Variants in BCR observed in about 807,000 individuals in gnomAD.
BCR encodes BCR activator of RhoGEF and GTPase, also known as breakpoint cluster region protein.
In BCR, 58 loss-of-function variants were observed where a neutral mutation model predicts 138.6. The observed-to-expected ratio is 0.42, with a 90% CI of 0.34 to 0.52. BCR has a LOEUF of 0.52. BCR is among the 20% of genes least tolerant of loss of function. The probability of loss-of-function intolerance (pLI) is 0.06; values close to 1 mark genes in which losing one functional copy is unlikely to be tolerated. For synonymous variants in BCR, 786 were observed against 730.1 expected (o/e 1.08, Z -1.23); for missense variants, 1,599 against 1,727.2 (o/e 0.93, Z 1.32).
chr22:23,205,832 A>C (rs1190275656), intron 1 of BCR, among the ~76,000 whole-genome samples: 1 of 152,220 alleles, frequency 6.6e-6, no homozygotes. Context: ...GGCCTAGGTC[A>C]CATGAAAACA....
intron 1 of BCR, among the ~76,000 whole-genome samples, chr22:23,230,333 G>A (rs950296479): frequency 2.0e-5 from 3 of 152,162 alleles, no homozygotes; most frequent in Admixed American, 1.3e-4. Context: ...ACATTTAGAC[G>A]TCCTTCTCTC....
At position 23,317,511 on chromosome 22, in the gene BCR, T is replaced by A. The variant is rs2074085769; in HGVS notation, c.*1989T>A. ...GTCTCTGCCTCCTCTGGTCTCATGA[T>A]GTGCATCTGTTACCTTGAAACTGGA... On this transcript the variant is annotated 3_prime_UTR_variant, in exon 23 of 23. Transcript: ENST00000305877. 7.7e-6 allele frequency: 1 copy of A among 129,340 alleles called. No homozygotes were observed. Among genetic ancestry groups the A allele is most frequent in the African/African-American group, 4.0e-5 (1 of 24,868 alleles). The allele number at this position is 129,340 out of a possible 1,614,324, so 8.0% of individuals were successfully genotyped here. A position where few individuals can be genotyped will look rare whatever the true frequency, so the allele number is the denominator to read the frequency against.
At chr22:23,219,396 G>C (rs570438556) in intron 1 of BCR, among the ~76,000 whole-genome samples, 4 of 152,322 alleles carry the variant, frequency 2.6e-5, no homozygotes, top group African/African-American at 9.6e-5. Flanking sequence ...TGGCTCCAGA[G>C]TCATCCCTAT....
rs1321061601 is a variant in BCR at position 23,181,889 on chromosome 22, C to T, written c.929C>T (p.Thr310Ile). ...QSTSEQEKRL[T>I]WPRRSYSPRS... ...ACCTCTGAGCAGGAGAAGCGCCTTA[C>T]CTGGCCCCGCAGGTCCTACTCCCCC... Residue 310 changes from threonine to isoleucine, a missense_variant, in exon 1 of 23, where the codon ACC becomes ATC. Physicochemically the swap from Thr to Ile is moderately conservative, Grantham distance 89. This residue lies in a region of BCR where 806 missense variants were observed against 635.0 expected (regional missense o/e 1.27). Coordinates refer to ENST00000305877, the MANE Select transcript of BCR (RefSeq NM_004327.4). The T allele has an allele frequency of 1.2e-6, 2 of 1,613,446 alleles. No homozygotes were observed. The highest frequency in any genetic ancestry group is 1.7e-5 in the Admixed American group (1 of 60,026).
At chr22:23,262,644 A>G (rs796636998) in intron 4 of BCR, 45 of 399,298 alleles carry the variant, frequency 1.1e-4, no homozygotes, top group African/African-American at 9.0e-4. Flanking sequence ...GCTGCCCCGC[A>G]GCTGCTCTTG....
At position 23,182,085 on chromosome 22, in the gene BCR, A is replaced by G; in HGVS notation, c.1125A>G (p.Gln375=). 6.2e-7 allele frequency: 1 copy of G among 1,613,318 alleles called. No homozygotes were observed. The highest frequency in any genetic ancestry group is 8.5e-7 in the Non-Finnish European group (1 of 1,180,022). The change falls in exon 1 of 23, where the codon CAA becomes CAG. Residue 375 remains glutamine, a synonymous_variant. Transcript: ENST00000305877. ...DKSRSPSQNS[Q]QSFDSSSPPT... Reference sequence around the variant, plus strand: ...GCCGCTCTCCCTCGCAGAACTCGCAACAGTCCTTCGACAGCAGCAGTCCCC... The same window carrying G: ...GCCGCTCTCCCTCGCAGAACTCGCAGCAGTCCTTCGACAGCAGCAGTCCCC...
chr22:23,305,575 C>G, intron 16 of BCR, among the ~76,000 whole-genome samples: 1 of 152,338 alleles, frequency 6.6e-6, no homozygotes, highest in Non-Finnish European at 1.5e-5. Context: ...AGCACCTGCC[C>G]CAGTTGGGCT....
At chr22:23,218,150 C>T (rs2072779390) in intron 1 of BCR, among the ~76,000 whole-genome samples, 1 of 152,196 alleles carries the variant, frequency 6.6e-6, no homozygotes, top group South Asian at 2.1e-4. Flanking sequence ...CAGTGCTGTC[C>T]CTTTGGTGTG....
rs5996503 is a variant in BCR, at chr22:23,242,174, G to A, written c.1280-11625G>A. On this transcript the variant is annotated intron_variant, in intron 1 of 22. Transcript: ENST00000305877. ...GAAGCAAGATGCTTTATCCTTTTTC[G>A]ATAAAGAACAATAAGTTTGAGAAGT... Among the ~76,000 whole-genome samples the A allele has an allele frequency of 8.0e-3, 1,220 of 152,294 alleles. 9 individuals carry two copies. Among genetic ancestry groups the A allele is most frequent in the Non-Finnish European group, 0.012 (801 of 68,012 alleles).
At chr22:23,279,673 T>A (rs1272290903) in intron 8 of BCR, among the ~76,000 whole-genome samples, 1 of 152,234 alleles carries the variant, frequency 6.6e-6, no homozygotes, top group Non-Finnish European at 1.5e-5. Flanking sequence ...GTGGGCTTCT[T>A]TGGCAACTTT....
intron 4 of BCR, chr22:23,263,788 C>T (rs1296837451): frequency 9.3e-6 from 13 of 1,405,286 alleles, no homozygotes; most frequent in Admixed American, 1.7e-5. Context: ...AGGGACAGGA[C>T]GGCCAAGGTG....
At chr22:23,264,259 C>T in intron 4 of BCR, 1 of 936,326 alleles carries the variant, frequency 1.1e-6, no homozygotes, top group Non-Finnish European at 1.8e-6. Context: ...CTGACGTCGA[C>T]CCGCCTCGGC....
chr22:23,213,956 GA>G (rs1332013794), intron 1 of BCR, among the ~76,000 whole-genome samples: 2 of 152,166 alleles, frequency 1.3e-5, no homozygotes, highest in Non-Finnish European at 2.9e-5. Flanking sequence ...ATGCATGCCT[GA>G]TAATGGGTAA....
At chr22:23,263,171 G>A (rs565099970) in intron 4 of BCR, 54 of 810,050 alleles carry the variant, frequency 6.7e-5, no homozygotes, top group Non-Finnish European at 9.1e-5. Context: ...AGGAGGAGGC[G>A]GCTCGGGAGT....
chr22:23,186,452 G>T (rs1178192870), intron 1 of BCR, among the ~76,000 whole-genome samples: 3 of 152,198 alleles, frequency 2.0e-5, no homozygotes, highest in Non-Finnish European at 4.4e-5. Context: ...CTGTGGTGTT[G>T]ACTACATTCA....
chr22:23,196,352 A>G (rs966007917), intron 1 of BCR, among the ~76,000 whole-genome samples: 3 of 152,104 alleles, frequency 2.0e-5, no homozygotes, highest in African/African-American at 7.2e-5. Context: ...ACGGTAACAT[A>G]AGGCAGGTGG....
intron 1 of BCR, among the ~76,000 whole-genome samples, chr22:23,238,874 G>T (rs1196062853): frequency 6.6e-6 from 1 of 150,622 alleles, no homozygotes; most frequent in African/African-American, 2.4e-5. Context: ...TTGCAAGGGG[G>T]GTGGGGGGCA....
In BCR at chr22:23,263,354, G is replaced by A. The variant is rs537843706; in HGVS notation, c.1752+1814G>A. 1.1e-4 allele frequency: 135 copies of A among 1,203,670 alleles called. 1 individual carries two copies. The South Asian group carries it at 1.4e-3, about 13-fold the overall frequency. 74.6% of individuals were successfully genotyped at this position (1,203,670 alleles called of 1,614,324 possible). On this transcript the variant is annotated intron_variant, in intron 4 of 22. Transcript: ENST00000305877. ...TCCGGCGCCAGATAGCCTGGGCCTC[G>A]CTCAACTCCGGCTTCACGCGGCTCG... is the stretch of plus-strand genomic sequence containing the variant.
chr22:23,197,247 G>C (rs1310314251), intron 1 of BCR, among the ~76,000 whole-genome samples: 1 of 152,208 alleles, frequency 6.6e-6, no homozygotes, highest in African/African-American at 2.4e-5. Flanking sequence ...AGGAGCAATA[G>C]GCTGTGCCAC....
Sources: gnomAD v4.1 joint callset for allele counts (sites outside exome capture counted in the v4.1 genomes callset) on GRCh38, gnomAD v4.1.1 for gene constraint, gnomAD v4.1.1 regional missense constraint, MANE v1.5 for transcripts, NCBI Gene and HGNC (gene_info 2026-07-23, HGNC 2026-07-21) for gene names.